SYN3: variants seen among roughly 807,000 people sequenced by gnomAD.
The protein encoded by SYN3 is synapsin-3.
A neutral mutation model predicts 65.8 loss-of-function variants in SYN3; 35 were observed. That is an observed-to-expected ratio of 0.53 (90% CI 0.41 to 0.70). The LOEUF (loss-of-function observed/expected upper bound fraction) is 0.70. Ranked by LOEUF, SYN3 falls within the 30% of genes least tolerant of loss-of-function variation. The probability of loss-of-function intolerance (pLI) is 0.00; values close to 1 mark genes in which losing one functional copy is unlikely to be tolerated. For synonymous variants in SYN3, 270 were observed against 292.9 expected (o/e 0.92, Z 0.80); for missense variants, 680 against 749.0 (o/e 0.91, Z 1.08).
At chr22:32,833,631 G>A (rs1156331723) in intron 6 of SYN3, among the ~76,000 whole-genome samples, 1 of 152,186 alleles carries the variant, frequency 6.6e-6, no homozygotes, top group Non-Finnish European at 1.5e-5. Flanking sequence ...TGTCCTTCTG[G>A]AAGGCAGGTA....
At chr22:32,627,641 T>C (rs56315097) in intron 6 of SYN3, among the ~76,000 whole-genome samples, 15,541 of 151,980 alleles carry the variant, frequency 0.1, 1,942 homozygotes, top group African/African-American at 0.3. Flanking sequence ...TATGAAGCTT[T>C]CATGCATAGA....
At chr22:32,682,702 GAGA>G (rs1271651715) in intron 6 of SYN3, among the ~76,000 whole-genome samples, 1 of 151,550 alleles carries the variant, frequency 6.6e-6, no homozygotes, top group Admixed American at 6.6e-5. Flanking sequence ...GTAGAAAGAA[GAGA>G]AGGTTTTTAT....
chr22:32,899,440 A>G (rs1056533321), intron 4 of SYN3, among the ~76,000 whole-genome samples: 1 of 152,212 alleles, frequency 6.6e-6, no homozygotes, highest in Non-Finnish European at 1.5e-5. Context: ...CGGAGGCGTT[A>G]ATCAAGTGAG....
chr22:32,733,896 C>T (rs1488190727), intron 6 of SYN3, among the ~76,000 whole-genome samples: 1 of 152,062 alleles, frequency 6.6e-6, no homozygotes, highest in Non-Finnish European at 1.5e-5. Context: ...CACACTTAGT[C>T]AAAGCCTGGT....
intron 6 of SYN3, among the ~76,000 whole-genome samples, chr22:32,665,937 T>C (rs1439900226): frequency 6.6e-6 from 1 of 152,142 alleles, no homozygotes; most frequent in Non-Finnish European, 1.5e-5. Context: ...CACTCTGATG[T>C]CCAACGAAAT....
chr22:32,560,076 G>A (rs530795056), intron 7 of SYN3, among the ~76,000 whole-genome samples: 5 of 152,350 alleles, frequency 3.3e-5, no homozygotes, highest in Admixed American at 1.3e-4. Context: ...CCAAGTGCTG[G>A]CAGGCCACTG....
At chr22:32,798,407 C>T (rs1168914882) in intron 6 of SYN3, among the ~76,000 whole-genome samples, 1 of 152,108 alleles carries the variant, frequency 6.6e-6, no homozygotes, top group African/African-American at 2.4e-5. Context: ...TTCTCTGAAC[C>T]TTATTTTTCC....
intron 3 of SYN3, among the ~76,000 whole-genome samples, chr22:32,934,388 A>G (rs778132285): frequency 6.6e-6 from 1 of 152,236 alleles, no homozygotes; most frequent in African/African-American, 2.4e-5. Flanking sequence ...TTAGAGGTTC[A>G]TCTTGTTCAG....
chr22:32,624,171 G>C (rs1601783808), intron 6 of SYN3, among the ~76,000 whole-genome samples: 1 of 152,198 alleles, frequency 6.6e-6, no homozygotes. Flanking sequence ...CTCCCTCCCT[G>C]GCTTGGGGAT....
At chr22:32,556,496 C>T (rs773547687) in intron 7 of SYN3, among the ~76,000 whole-genome samples, 11 of 151,736 alleles carry the variant, frequency 7.2e-5, no homozygotes, top group Non-Finnish European at 1.3e-4. Context: ...TGGCGTCTGA[C>T]AGACGCTGAG....
At chr22:32,742,517 T>A (rs5998610) in intron 6 of SYN3, among the ~76,000 whole-genome samples, 11,378 of 152,148 alleles carry the variant, frequency 0.075, 435 homozygotes, top group African/African-American at 0.1. Context: ...GGGAGGATCT[T>A]ACACCAAGGA....
At chr22:32,697,555 T>TAA in intron 6 of SYN3, among the ~76,000 whole-genome samples, 1 of 152,178 alleles carries the variant, frequency 6.6e-6, no homozygotes, top group Non-Finnish European at 1.5e-5. Context: ...ATAAGATGGT[T>TAA]GTATCAGTAA....
rs143787105 is a variant in SYN3 at position 33,055,439 on chromosome 22, C to T, written c.-163+2853G>A. Among the ~76,000 whole-genome samples the T allele has an allele frequency of 5.9e-3, 897 of 152,284 alleles. 5 individuals are homozygous for T. Among genetic ancestry groups the T allele is most frequent in the Non-Finnish European group, 9.3e-3 (632 of 68,026 alleles). ...GGCGTTGCCGGATCTTTCTCATTCCCCAGATCTCAGTGTAAATATCACTAC... is the reference window on the plus strand; with the variant it reads ...GGCGTTGCCGGATCTTTCTCATTCCTCAGATCTCAGTGTAAATATCACTAC... On this transcript the variant is annotated intron_variant, in intron 1 of 13. Transcript: ENST00000358763.
rs915200273 is a variant in SYN3 at position 32,513,124 on chromosome 22, G to A, written c.*568C>T. ...CCCACTAGTGGCCGAGTGTGATGGG[G>A]GCCTTTGCCTGCCTGGTCTAAGGGC... On this transcript the variant is annotated 3_prime_UTR_variant, in exon 14 of 14. Coordinates refer to ENST00000358763, the MANE Select transcript of SYN3 (RefSeq NM_003490.4). The A allele has an allele frequency of 3.3e-5, 5 of 152,494 alleles. No individual in the cohort carries two copies. The highest frequency in any genetic ancestry group is 6.6e-5 in the Admixed American group (1 of 15,146). The allele number at this position is 152,494 out of a possible 1,614,324, so 9.4% of individuals were successfully genotyped here.
chr22:32,657,404 T>G (rs1483863212), intron 6 of SYN3, among the ~76,000 whole-genome samples: 2 of 150,874 alleles, frequency 1.3e-5, no homozygotes, highest in Non-Finnish European at 3.0e-5. Flanking sequence ...ATTATAGGCG[T>G]GAGCCACCGC....
At chr22:32,544,640 G>T (rs1423030842) in intron 7 of SYN3, among the ~76,000 whole-genome samples, 1 of 152,146 alleles carries the variant, frequency 6.6e-6, no homozygotes, top group Admixed American at 6.5e-5. Context: ...CTTCTTTCTG[G>T]CAACTTCTTC....
chr22:32,780,078 A>AAAAAAAAAAAAAAAAAAAAG (rs1359453939), intron 6 of SYN3, among the ~76,000 whole-genome samples: 2 of 52,650 alleles, frequency 3.8e-5, no homozygotes, highest in African/African-American at 5.9e-5. Context: ...CAAAAAAAAA[A>AAAAAAAAAAAAAAAAAAAAG]AGAGAGAGAA....
At chr22:32,601,871 C>A (rs1320289628) in intron 6 of SYN3, among the ~76,000 whole-genome samples, 1 of 151,944 alleles carries the variant, frequency 6.6e-6, no homozygotes, top group East Asian at 1.9e-4. Flanking sequence ...ACAGTAAATG[C>A]CACTGGTTGG....
chr22:32,952,754 CAAAT>C (rs529182412), intron 3 of SYN3, among the ~76,000 whole-genome samples: 1 of 151,974 alleles, frequency 6.6e-6, no homozygotes, highest in South Asian at 2.1e-4. Context: ...AACCCTATCT[CAAAT>C]AAATAAATAA....
Sources: allele counts gnomAD v4.1 joint callset (sites outside exome capture counted in the v4.1 genomes callset), GRCh38; gene constraint gnomAD v4.1.1; transcripts MANE v1.5; gene names NCBI Gene and HGNC (gene_info 2026-07-23, HGNC 2026-07-21).